SNX30: variants seen among roughly 807,000 people sequenced by gnomAD.
SNX30 encodes sorting nexin-30.
In SNX30, 24 loss-of-function variants were observed where a neutral mutation model predicts 46.4. The ratio of observed to expected loss-of-function variants is 0.52; its 90% CI spans 0.37 to 0.73. The LOEUF (loss-of-function observed/expected upper bound fraction) is 0.73, where lower values mean the gene tolerates loss of function less well. Ranked by LOEUF, SNX30 falls within the 30% of genes least tolerant of loss-of-function variation. SNX30 has a pLI of 0.00. For synonymous variants in SNX30, 189 were observed against 211.5 expected, an observed-to-expected ratio of 0.89 and a Z score of 0.92; for missense variants, 533 against 555.7, an observed-to-expected ratio of 0.96 and a Z score of 0.41.
chr9:112,828,372 G>T (rs914781690), intron 3 of SNX30, among the ~76,000 whole-genome samples: 6 of 151,992 alleles, frequency 3.9e-5, no homozygotes, highest in African/African-American at 1.5e-4. Context: ...ATACCGTATC[G>T]CCTCGGTGTG....
chr9:112,868,146 G>A (rs1253722774), intron 8 of SNX30, among the ~76,000 whole-genome samples: 3 of 152,158 alleles, frequency 2.0e-5, no homozygotes, highest in African/African-American at 7.2e-5. Context: ...TGTATGTGTC[G>A]AGTAATAATT....
intron 6 of SNX30, among the ~76,000 whole-genome samples, chr9:112,848,360 C>T (rs1840971280): frequency 6.6e-6 from 1 of 152,122 alleles, no homozygotes; most frequent in South Asian, 2.1e-4. Context: ...AGAACATCAC[C>T]AACAGCATGC....
chr9:112,768,647 C>CTTTTTT (rs58983756), intron 1 of SNX30, among the ~76,000 whole-genome samples: 3 of 64,352 alleles, frequency 4.7e-5, no homozygotes, highest in Non-Finnish European at 9.9e-5. Context: ...ATTCTTTCTT[C>CTTTTTT]TTTTTTTTTT....
chr9:112,869,248 G>A lies in SNX30; in HGVS notation c.*405G>A, dbSNP rs747268248. On this transcript the variant is annotated 3_prime_UTR_variant, in exon 9 of 9. Transcript: ENST00000374232. ...CTTTTCAAGGATGAGGAGGAGGCAG[G>A]AACAGAAGGCAGCTGCTGCTTTCTG... 4.7e-6 allele frequency: 1 copy of A among 214,210 alleles called. No homozygotes were observed. The highest frequency in any genetic ancestry group is 9.6e-6 in the Non-Finnish European group (1 of 103,670). 13.3% of individuals were successfully genotyped at this position (214,210 alleles called of 1,614,324 possible).
chr9:112,822,755 C>T (rs1480609043), intron 3 of SNX30, among the ~76,000 whole-genome samples: 1 of 152,120 alleles, frequency 6.6e-6, no homozygotes, highest in African/African-American at 2.4e-5. Flanking sequence ...ATAAGTTTTA[C>T]ATTGTTTGCT....
chr9:112,824,870 G>T (rs766495120), intron 3 of SNX30, among the ~76,000 whole-genome samples: 2 of 152,086 alleles, frequency 1.3e-5, no homozygotes, highest in African/African-American at 2.4e-5. Flanking sequence ...GTGACTTTTA[G>T]TACATTCACG....
intron 3 of SNX30, among the ~76,000 whole-genome samples, chr9:112,818,378 T>C (rs376278072): frequency 1.3e-5 from 2 of 152,160 alleles, no homozygotes; most frequent in African/African-American, 4.8e-5. Flanking sequence ...TACAGGCGTA[T>C]GCCACCACGC....
intron 6 of SNX30, 146 bp from the exon 7 acceptor site, chr9:112,850,713 A>G (rs1841009534): frequency 6.0e-6 from 3 of 502,470 alleles, no homozygotes; most frequent in East Asian, 6.1e-5. Context: ...AGTTTCTGCC[A>G]TGGCCAGACT....
chr9:112,863,535 C>A (rs945750716), intron 7 of SNX30, among the ~76,000 whole-genome samples: 5 of 152,188 alleles, frequency 3.3e-5, no homozygotes, highest in Admixed American at 2.0e-4. Context: ...TCTTCTAAAC[C>A]TCTTTAAGAA....
rs199600863 is a variant in SNX30, at chr9:112,775,542, T to TTGTGTGTGTGTGTGTGTGTGTG, written c.156+24409_156+24430dup. Among the ~76,000 whole-genome samples the TTGTGTGTGTGTGTGTGTGTGTG allele has an allele frequency of 1.3e-4, 17 of 131,410 alleles. 2 individuals are homozygous for TTGTGTGTGTGTGTGTGTGTGTG. The South Asian group carries it at 1.9e-3, about 15-fold the overall frequency. 86.2% of individuals were successfully genotyped at this position (131,410 alleles called of 152,430 possible). A position where few individuals can be genotyped will look rare whatever the true frequency, so the allele number is the denominator to read the frequency against. ...GTGGCTTGTCCTTTTTATTTTAAAT[T>TTGTGTGTGTGTGTGTGTGTGTG]TGTGTGTGTGTGTGTGTGTGTGTGT... is the stretch of plus-strand genomic sequence containing the variant. On this transcript the variant is annotated intron_variant, in intron 1 of 8. Transcript: ENST00000374232.
At chr9:112,821,932 A>G (rs1262824047) in intron 3 of SNX30, among the ~76,000 whole-genome samples, 4 of 152,102 alleles carry the variant, frequency 2.6e-5, no homozygotes, top group Admixed American at 2.6e-4. Flanking sequence ...ATGTGTCACC[A>G]TGCCTGGCTG....
chr9:112,805,086 A>G (rs969551027), intron 2 of SNX30, 119 bp downstream of exon 2: 7 of 594,974 alleles, frequency 1.2e-5, no homozygotes, highest in South Asian at 4.6e-5. Flanking sequence ...CTTGATTGCA[A>G]TTGTGAGTGT....
chr9:112,777,606 T>TA (rs1306750812), intron 1 of SNX30, among the ~76,000 whole-genome samples: 28 of 42,180 alleles, frequency 6.6e-4, no homozygotes, highest in African/African-American at 1.8e-3. Context: ...TTTAATTTTT[T>TA]TTTTTTTTTT....
upstream of SNX30, among the ~76,000 whole-genome samples, chr9:112,750,675 C>T (rs750923091): frequency 2.0e-5 from 3 of 151,534 alleles, no homozygotes; most frequent in Non-Finnish European, 4.4e-5. Context: ...CCTTCCCCGC[C>T]CTCCCCGCCC....
intron 8 of SNX30, among the ~76,000 whole-genome samples, chr9:112,865,173 A>G (rs369195915): frequency 6.8e-4 from 74 of 108,960 alleles, no homozygotes; most frequent in African/African-American, 2.5e-3. Context: ...CAACCCCCCC[A>G]CACACGACAC....
intron 3 of SNX30, among the ~76,000 whole-genome samples, chr9:112,821,631 C>T (rs1476033370): frequency 4.6e-5 from 7 of 151,796 alleles, no homozygotes; most frequent in Non-Finnish European, 8.8e-5. Context: ...GGACTACAGG[C>T]GCCCGCCACC....
intron 1 of SNX30, among the ~76,000 whole-genome samples, chr9:112,772,540 CT>C (rs1258701400): frequency 6.6e-6 from 1 of 152,166 alleles, no homozygotes; most frequent in Non-Finnish European, 1.5e-5. Flanking sequence ...CGTGTCTCCC[CT>C]GCCATGGTTT....
chr9:112,842,871 C>T (rs564663524), intron 6 of SNX30, among the ~76,000 whole-genome samples: 88 of 152,288 alleles, frequency 5.8e-4, no homozygotes, highest in African/African-American at 1.9e-3. Context: ...ACTAGAAAGA[C>T]GGTTGAAGGC....
chr9:112,865,624 C>CATATATATATATATATATAT (rs796986603), intron 8 of SNX30, among the ~76,000 whole-genome samples: 14 of 78,998 alleles, frequency 1.8e-4, no homozygotes, highest in African/African-American at 4.0e-4. Context: ...CCTGTCACGC[C>CATATATATATATATATATAT]ATATATATAT....
Sources: gnomAD v4.1 joint callset for allele counts (sites outside exome capture counted in the v4.1 genomes callset) on GRCh38, gnomAD v4.1.1 for gene constraint, MANE v1.5 for transcripts, NCBI Gene and HGNC (gene_info 2026-07-23, HGNC 2026-07-21) for gene names.